LTBP1: variants seen among roughly 807,000 people sequenced by gnomAD.
LTBP1 encodes latent transforming growth factor beta binding protein 1.
In LTBP1, 129 loss-of-function variants were observed where a neutral mutation model predicts 207.6. The ratio of observed to expected loss-of-function variants is 0.62; its 90% CI spans 0.54 to 0.72. LTBP1 has a LOEUF of 0.72. Among genes scored for constraint, LTBP1 ranks in the 30% least tolerant of loss-of-function variants. The pLI, the probability that LTBP1 is intolerant of heterozygous loss-of-function variation, is 0.00. For missense variants in LTBP1, 2,281 were observed against 2,217.2 expected (o/e 1.03, Z -0.58); for synonymous variants, 963 against 833.7 (o/e 1.16, Z -2.67).
At chr2:33,306,791 T>C (rs1159753600) in intron 22 of LTBP1, among the ~76,000 whole-genome samples, 1 of 152,016 alleles carries the variant, frequency 6.6e-6, no homozygotes, top group Non-Finnish European at 1.5e-5. Context: ...GAAAGGTTAA[T>C]GGAAAAACTG....
chr2:33,388,809 A>G (rs2095289782), intron 31 of LTBP1, among the ~76,000 whole-genome samples: 1 of 152,148 alleles, frequency 6.6e-6, no homozygotes, highest in Non-Finnish European at 1.5e-5. Context: ...ACTACTTTCT[A>G]CTTTAAAAAT....
In LTBP1 at chr2:33,178,249, C is replaced by T. The variant is rs1041313556; in HGVS notation, c.1202-8607C>T. Among the ~76,000 whole-genome samples the T allele has an allele frequency of 5.3e-5, 8 of 152,050 alleles. No individual in the cohort carries two copies. The East Asian group carries it at 7.7e-4, about 15-fold the overall frequency. On this transcript the variant is annotated intron_variant, in intron 5 of 33. Coordinates refer to ENST00000404816, the MANE Select transcript of LTBP1 (RefSeq NM_206943.4). ...AGGTTTAGGAATCATTAGGAGAGAGCGACAATGACAGCATCTGTGATGAAG... is the reference window on the plus strand; with the variant it reads ...AGGTTTAGGAATCATTAGGAGAGAGTGACAATGACAGCATCTGTGATGAAG...
chr2:33,158,354 T>G (rs971329800), intron 5 of LTBP1, among the ~76,000 whole-genome samples: 2 of 152,138 alleles, frequency 1.3e-5, no homozygotes, highest in Non-Finnish European at 2.9e-5. Context: ...AGAAATATTC[T>G]ATGTAACTGG....
intron 15 of LTBP1, among the ~76,000 whole-genome samples, chr2:33,266,442 C>T (rs116039257): frequency 0.03 from 4,579 of 152,200 alleles, 259 homozygotes; most frequent in African/African-American, 0.1. Flanking sequence ...GAAACCCCAC[C>T]TTCAAGCCAG....
intron 24 of LTBP1, chr2:33,318,007 C>T (rs953045953): frequency 1.3e-5 from 2 of 152,160 alleles, no homozygotes; most frequent in Non-Finnish European, 1.5e-5. Flanking sequence ...CTAAAGCACT[C>T]CACATTCTAA....
At chr2:33,020,240 T>G (rs2075098661) in intron 2 of LTBP1, among the ~76,000 whole-genome samples, 1 of 152,144 alleles carries the variant, frequency 6.6e-6, no homozygotes, top group African/African-American at 2.4e-5. Flanking sequence ...AAGAGTAGAT[T>G]GGACTAAATT....
intron 7 of LTBP1, among the ~76,000 whole-genome samples, chr2:33,194,845 G>T (rs2088360349): frequency 6.6e-6 from 1 of 152,224 alleles, no homozygotes; most frequent in African/African-American, 2.4e-5. Context: ...AGGACAGGCT[G>T]GCTCTCTTGT....
chr2:33,256,330 C>T (rs1200888392), intron 11 of LTBP1, among the ~76,000 whole-genome samples: 3 of 152,082 alleles, frequency 2.0e-5, no homozygotes, highest in Non-Finnish European at 2.9e-5. Context: ...CCGAGATTCT[C>T]CCCTTCAGAA....
At chr2:33,222,248 G>C in intron 9 of LTBP1, 97 bp downstream of exon 9, 1 of 832,250 alleles carries the variant, frequency 1.2e-6, no homozygotes, top group South Asian at 1.4e-5. Context: ...CGCCCAGCCT[G>C]TCACAGTGAA....
At chr2:33,015,084 TGCCCC>T in intron 2 of LTBP1, among the ~76,000 whole-genome samples, 1 of 152,166 alleles carries the variant, frequency 6.6e-6, no homozygotes, top group East Asian at 1.9e-4. Context: ...CTAAATGTTA[TGCCCC>T]TTGTGATGTT....
rs1200192869 is a variant in LTBP1 at position 33,188,592 on chromosome 2, A to C, written c.1442A>C (p.Asn481Thr). 6.2e-7 allele frequency: 1 copy of C among 1,612,456 alleles called. No homozygotes were observed. Among genetic ancestry groups the C allele is most frequent in the Non-Finnish European group, 8.5e-7 (1 of 1,179,570 alleles). Residue 481 changes from asparagine to threonine, a missense_variant, in exon 7 of 34, where the codon AAC becomes ACC. Physicochemically the swap from Asn to Thr is moderately conservative, Grantham distance 65. Around this residue, in one of 3 missense-constraint regions of LTBP1, gnomAD observed 1,671 missense variants for 1,634.8 expected, o/e 1.02. Transcript: ENST00000404816. ...QQGVKVKFPP[N>T]IVNIHVKHPP... The stretch of plus-strand genomic sequence containing the variant: ...TCTGTTGTAGTGAAATTTCCTCCTA[A>C]CATAGTCAATATCCATGTGAAACAT...
At chr2:33,309,949 C>CTGCTT (rs528213428) in intron 23 of LTBP1, among the ~76,000 whole-genome samples, 1 of 136,416 alleles carries the variant, frequency 7.3e-6, no homozygotes, top group Non-Finnish European at 1.6e-5. Flanking sequence ...CCCGCCATTG[C>CTGCTT]TTTTTTTTTT....
At chr2:33,262,235 C>G (rs563995618) in intron 13 of LTBP1, among the ~76,000 whole-genome samples, 1 of 152,326 alleles carries the variant, frequency 6.6e-6, no homozygotes, top group South Asian at 2.1e-4. Flanking sequence ...GCCATAGTAA[C>G]TGACTGGTTT....
intron 5 of LTBP1, among the ~76,000 whole-genome samples, chr2:33,148,851 A>G (rs1346233781): frequency 6.6e-6 from 1 of 152,040 alleles, no homozygotes; most frequent in Non-Finnish European, 1.5e-5. Flanking sequence ...TGGTTATTCA[A>G]ATTTGGGGGT....
At chr2:33,039,464 T>G (rs1171376926) in intron 3 of LTBP1, among the ~76,000 whole-genome samples, 1 of 152,244 alleles carries the variant, frequency 6.6e-6, no homozygotes, top group Non-Finnish European at 1.5e-5. Context: ...CCTCTTATAC[T>G]ACATTTATCA....
At chr2:33,021,606 G>GA (rs1370416052) in intron 3 of LTBP1, among the ~76,000 whole-genome samples, 2 of 152,112 alleles carry the variant, frequency 1.3e-5, no homozygotes. Context: ...AAGTTATCTG[G>GA]AAAAGGTAAG....
chr2:33,359,239 A>G (rs892500147), intron 26 of LTBP1, among the ~76,000 whole-genome samples: 2 of 152,180 alleles, frequency 1.3e-5, no homozygotes, highest in African/African-American at 4.8e-5. Flanking sequence ...TGAGAGGAGT[A>G]TATATTTCAG....
chr2:33,145,055 T>G (rs1267885773), intron 5 of LTBP1, among the ~76,000 whole-genome samples: 1 of 152,102 alleles, frequency 6.6e-6, no homozygotes. Flanking sequence ...AGAAAGAAAA[T>G]AAGAAGAGTC....
chr2:33,280,058 T>A lies in LTBP1; in HGVS notation c.3012T>A (p.Asn1004Lys). The A allele has an allele frequency of 6.2e-7, 1 of 1,614,102 alleles. No homozygotes were observed. Among genetic ancestry groups the A allele is most frequent in the Non-Finnish European group, 8.5e-7 (1 of 1,179,980 alleles). The change falls in exon 19 of 34, where the codon AAT (asparagine) becomes AAA (lysine). Residue 1004 changes from asparagine to lysine, a missense_variant. Around this residue, in one of 3 missense-constraint regions of LTBP1, gnomAD observed 1,671 missense variants for 1,634.8 expected, o/e 1.02. Coordinates refer to ENST00000404816, the MANE Select transcript of LTBP1 (RefSeq NM_206943.4). ...GRCEDIDECL[N>K]PSTCPDEQCV... ...TTTCAGATATTGATGAATGTTTGAA[T>A]CCAAGCACTTGTCCAGATGAGCAGT...
Sources: allele counts gnomAD v4.1 joint callset (sites outside exome capture counted in the v4.1 genomes callset), GRCh38; gene constraint gnomAD v4.1.1; regional missense constraint gnomAD v4.1.1; transcripts MANE v1.5; gene names NCBI Gene and HGNC (gene_info 2026-07-23, HGNC 2026-07-21).